RIMS2: variants seen among roughly 807,000 people sequenced by gnomAD.
The protein encoded by RIMS2 is regulating synaptic membrane exocytosis 2.
In RIMS2, 59 loss-of-function variants were observed where a neutral mutation model predicts 174.4. That is an observed-to-expected ratio of 0.34 (90% CI 0.27 to 0.42). RIMS2 has a LOEUF of 0.42. Ranked by LOEUF, RIMS2 falls within the 10% of genes least tolerant of loss-of-function variation. The pLI is 1.00. For synonymous variants in RIMS2, 606 were observed against 572.5 expected (o/e 1.06, Z -0.84); for missense variants, 1,620 against 1,666.3 (o/e 0.97, Z 0.48).
intron 19 of RIMS2, among the ~76,000 whole-genome samples, chr8:104,149,732 A>G (rs1319437014): frequency 6.6e-6 from 1 of 152,218 alleles, no homozygotes; most frequent in African/African-American, 2.4e-5. Context: ...TCTTGTACAT[A>G]GAAGTCAGAT....
chr8:103,636,431 G>A (rs192750242), intron 1 of RIMS2, among the ~76,000 whole-genome samples: 1 of 152,262 alleles, frequency 6.6e-6, no homozygotes, highest in African/African-American at 2.4e-5. Flanking sequence ...TGAAGGCCCT[G>A]GTTGAGTGGG....
exon 24 of RIMS2, chr8:104,251,693 T>C (rs1000039461): frequency 1.2e-6 from 2 of 1,604,642 alleles, no homozygotes; most frequent in African/African-American, 1.3e-5. Context: ...CTATCCAATA[T>C]GGTGATCGGA....
At chr8:104,001,451 G>A (rs538326179) in intron 17 of RIMS2, among the ~76,000 whole-genome samples, 22 of 151,874 alleles carry the variant, frequency 1.4e-4, no homozygotes, top group Non-Finnish European at 2.1e-4. Flanking sequence ...ACAACACAAT[G>A]TAATAACATG....
intron 3 of RIMS2, among the ~76,000 whole-genome samples, chr8:103,800,058 A>T (rs142171000): frequency 7.9e-5 from 12 of 152,256 alleles, no homozygotes; most frequent in African/African-American, 2.9e-4. Flanking sequence ...CCATATGGTG[A>T]GCCACTGTTC....
At chr8:104,045,854 T>G (rs1202264896) in intron 19 of RIMS2, among the ~76,000 whole-genome samples, 1 of 151,976 alleles carries the variant, frequency 6.6e-6, no homozygotes, top group East Asian at 1.9e-4. Context: ...CAATTCAAAT[T>G]GAATAGATTT....
intron 2 of RIMS2, among the ~76,000 whole-genome samples, chr8:103,751,074 C>G (rs2097883437): frequency 6.6e-6 from 1 of 152,090 alleles, no homozygotes; most frequent in Non-Finnish European, 1.5e-5. Context: ...GTGAGATGGG[C>G]CTTTCACCTT....
intron 17 of RIMS2, among the ~76,000 whole-genome samples, chr8:104,008,521 A>ACTGTATTAATACTACT (rs2095660560): frequency 1.3e-5 from 2 of 151,372 alleles, no homozygotes; most frequent in African/African-American, 2.4e-5. Flanking sequence ...TTAATAATAC[A>ACTGTATTAATACTACT]GTATATGTTA....
At chr8:103,979,376 A>G (rs1174318411) in intron 16 of RIMS2, among the ~76,000 whole-genome samples, 1 of 152,220 alleles carries the variant, frequency 6.6e-6, no homozygotes, top group Non-Finnish European at 1.5e-5. Context: ...ATTGGTTGCA[A>G]TGTAAACTAA....
intron 19 of RIMS2, among the ~76,000 whole-genome samples, chr8:104,145,392 C>T (rs967676467): frequency 2.6e-5 from 4 of 151,934 alleles, no homozygotes; most frequent in Admixed American, 1.3e-4. Context: ...TAATGTAATA[C>T]GTCTTTTCCT....
chr8:103,912,221 A>G (rs1315520520), intron 6 of RIMS2, 49 bp downstream of exon 9: 8 of 1,459,362 alleles, frequency 5.5e-6, no homozygotes, highest in Non-Finnish European at 7.5e-6. Flanking sequence ...TTACAGATTT[A>G]CCAGAAAAGC....
At chr8:103,892,153 A>C (rs2099249919) in intron 4 of RIMS2, among the ~76,000 whole-genome samples, 2 of 152,008 alleles carry the variant, frequency 1.3e-5, no homozygotes, top group South Asian at 4.1e-4. Flanking sequence ...AAAAATTTTT[A>C]GGACAAATTC....
chr8:104,006,969 A>G (rs555230507), intron 17 of RIMS2, among the ~76,000 whole-genome samples: 4 of 152,222 alleles, frequency 2.6e-5, no homozygotes, highest in Admixed American at 2.6e-4. Flanking sequence ...TATCCCTGCT[A>G]TCAAAGAAAA....
chr8:104,028,619 A>T (rs1219856743), intron 19 of RIMS2, among the ~76,000 whole-genome samples: 2 of 152,186 alleles, frequency 1.3e-5, no homozygotes, highest in East Asian at 3.8e-4. Context: ...TCAGTGCCTC[A>T]ATTTCACCAT....
intron 19 of RIMS2, among the ~76,000 whole-genome samples, chr8:104,183,828 AT>A (rs763967530): frequency 6.6e-6 from 1 of 151,642 alleles, no homozygotes; most frequent in Non-Finnish European, 1.5e-5. Flanking sequence ...TAATTTATGT[AT>A]CATCACCATT....
chr8:104,018,805 T>A (rs2096000637), intron 19 of RIMS2, among the ~76,000 whole-genome samples: 2 of 152,188 alleles, frequency 1.3e-5, no homozygotes, highest in South Asian at 4.1e-4. Flanking sequence ...ATTTTTTTCC[T>A]AAAATAAAGC....
At chr8:104,183,674 A>C (rs1054733209) in intron 19 of RIMS2, among the ~76,000 whole-genome samples, 1 of 151,636 alleles carries the variant, frequency 6.6e-6, no homozygotes, top group Admixed American at 6.6e-5. Context: ...GCAGGTATTC[A>C]TTTTTTAAAA....
At chr8:103,818,845 T>C (rs960975797) in intron 3 of RIMS2, among the ~76,000 whole-genome samples, 2 of 152,210 alleles carry the variant, frequency 1.3e-5, no homozygotes, top group African/African-American at 4.8e-5. Flanking sequence ...CTTAGAAATA[T>C]GGCATTTTAA....
rs372287705 is a variant in RIMS2, at chr8:103,869,934, T to C, written c.699-15364T>C. ...AGGGGAGGGGAATGTTTGGTTATTT[T>C]TGGTTGCACGGCATCTTTGCCTTTA... On this transcript the variant is annotated intron_variant, in intron 3 of 23. Transcript: ENST00000504942. 3.2e-4 allele frequency among the ~76,000 whole-genome samples: 48 copies of C among 152,242 alleles called. No homozygotes were observed. The South Asian group carries it at 9.9e-3, about 32-fold the overall frequency.
At chr8:103,544,785 C>T (rs762182704) in intron 1 of RIMS2, among the ~76,000 whole-genome samples, 2 of 152,136 alleles carry the variant, frequency 1.3e-5, no homozygotes, top group Non-Finnish European at 2.9e-5. Flanking sequence ...GAGGGGGCTC[C>T]TACAAGACCC....
Sources: allele counts gnomAD v4.1 joint callset (sites outside exome capture counted in the v4.1 genomes callset), GRCh38; gene constraint gnomAD v4.1.1; transcripts MANE v1.5; gene names NCBI Gene and HGNC (gene_info 2026-07-23, HGNC 2026-07-21).